Variants in ATP8B4 observed in about 807,000 individuals in gnomAD.
ATP8B4 encodes the protein ATPase phospholipid transporting 8B4 (putative).
In ATP8B4, 133 loss-of-function variants were observed where a neutral mutation model predicts 145.6. The observed-to-expected ratio is 0.91, with a 90% confidence interval of 0.79 to 1.05. The LOEUF (loss-of-function observed/expected upper bound fraction) is 1.05, where lower values mean the gene tolerates loss of function less well. Ranked by LOEUF, ATP8B4 falls within the 50% of genes least tolerant of loss-of-function variation. The probability of loss-of-function intolerance (pLI) is 0.00; values close to 1 mark genes in which losing one functional copy is unlikely to be tolerated. For missense variants in ATP8B4, 1,458 were observed against 1,425.2 expected, an observed-to-expected ratio of 1.02 and a Z score of -0.37; for synonymous variants, 507 against 492.9, an observed-to-expected ratio of 1.03 and a Z score of -0.38.
At chr15:50,031,062 T>C (rs189193747) in intron 6 of ATP8B4, among the ~76,000 whole-genome samples, 8 of 152,214 alleles carry the variant, frequency 5.3e-5, no homozygotes, top group Admixed American at 1.3e-4. Flanking sequence ...AATTAACTTA[T>C]TGAAGGCAAA....
chr15:49,983,728 G>A (rs775479382), intron 10 of ATP8B4, among the ~76,000 whole-genome samples: 2 of 152,168 alleles, frequency 1.3e-5, no homozygotes, highest in Non-Finnish European at 2.9e-5. Flanking sequence ...TTAGGATAAA[G>A]ACCAAACTTC....
chr15:50,024,328 A>AT (rs559268977), intron 6 of ATP8B4, among the ~76,000 whole-genome samples: 2 of 151,972 alleles, frequency 1.3e-5, no homozygotes, highest in African/African-American at 4.8e-5. Flanking sequence ...AGAGCTTTAA[A>AT]TTTTTTTTCA....
chr15:50,056,968 C>T (rs2052655704), intron 3 of ATP8B4, among the ~76,000 whole-genome samples: 1 of 151,996 alleles, frequency 6.6e-6, no homozygotes, highest in Non-Finnish European at 1.5e-5. Flanking sequence ...TCAGGTGATC[C>T]TCCCACCTCG....
intron 25 of ATP8B4, among the ~76,000 whole-genome samples, chr15:49,867,120 G>C (rs193203822): frequency 3.8e-4 from 58 of 152,326 alleles, no homozygotes; most frequent in African/African-American, 1.3e-3. Context: ...AGCTAGAAGA[G>C]TGGTCTGCTA....
rs529067256 is a variant in ATP8B4 at position 49,879,509 on chromosome 15, G to A, written c.2698-50C>T. 27 of 1,471,890 alleles carry A rather than the reference G, an allele frequency of 1.8e-5. No homozygotes were observed. In the South Asian group the frequency reaches 3.1e-4, roughly 17 times the overall value. 91.2% of individuals were successfully genotyped at this position (1,471,890 alleles called of 1,614,324 possible). ...TGAGAAACATCATCCATAGTAGTGA[G>A]AATATTCACATTTAGGTTAAATAAC... On this transcript the variant is annotated intron_variant, in intron 23 of 27. Coordinates refer to ENST00000284509, the MANE Select transcript of ATP8B4 (RefSeq NM_024837.4).
chr15:50,091,142 A>G (rs2055585427), intron 2 of ATP8B4, among the ~76,000 whole-genome samples: 1 of 152,132 alleles, frequency 6.6e-6, no homozygotes, highest in Non-Finnish European at 1.5e-5. Flanking sequence ...AAAAATTATA[A>G]TTATTTTTAT....
intron 1 of ATP8B4, among the ~76,000 whole-genome samples, chr15:50,125,130 T>C (rs2057298782): frequency 6.6e-6 from 1 of 152,162 alleles, no homozygotes; most frequent in Non-Finnish European, 1.5e-5. Flanking sequence ...TAAGAAGTCC[T>C]TCCAACAATC....
intron 1 of ATP8B4, among the ~76,000 whole-genome samples, chr15:50,162,249 G>A (rs1048786577): frequency 7.4e-4 from 112 of 151,782 alleles, no homozygotes; most frequent in African/African-American, 2.6e-3. Flanking sequence ...ATGCCTTGAG[G>A]TAGTCTTCTC....
intron 1 of ATP8B4, among the ~76,000 whole-genome samples, chr15:50,172,301 C>T (rs1162313629): frequency 2.0e-5 from 3 of 152,256 alleles, no homozygotes; most frequent in Non-Finnish European, 4.4e-5. Context: ...CGCCGCCACG[C>T]CTGACTGGTT....
rs2047978345 is a variant in ATP8B4 at position 50,002,483 on chromosome 15, C to A, written c.436-260G>T. Among the ~76,000 whole-genome samples the A allele has an allele frequency of 2.0e-5, 3 of 152,044 alleles. No homozygotes were observed. In the South Asian group the frequency reaches 6.2e-4, roughly 32 times the overall value. On this transcript the variant is annotated intron_variant, in intron 7 of 27. Coordinates refer to ENST00000284509, the MANE Select transcript of ATP8B4 (RefSeq NM_024837.4). ...CATATGAATTAATAGCCACTTGATT[C>A]ACCTTTTTTTAATGAAACATATAAA...
chr15:50,012,588 C>T (rs1192181464), intron 6 of ATP8B4, among the ~76,000 whole-genome samples: 1 of 152,072 alleles, frequency 6.6e-6, no homozygotes, highest in Non-Finnish European at 1.5e-5. Flanking sequence ...AGAACCCTAA[C>T]AAGAAGAAAG....
At chr15:50,034,539 T>A (rs1241156957) in intron 6 of ATP8B4, among the ~76,000 whole-genome samples, 1 of 152,160 alleles carries the variant, frequency 6.6e-6, no homozygotes, top group Non-Finnish European at 1.5e-5. Flanking sequence ...ATTGAGTGTC[T>A]CTTAAAATTA....
chr15:49,898,261 TA>T lies in ATP8B4; in HGVS notation c.2290-11del, dbSNP rs745467301. 6.2e-7 allele frequency: 1 copy of T among 1,604,970 alleles called. No homozygotes were observed. The highest frequency in any genetic ancestry group is 8.5e-7 in the Non-Finnish European group (1 of 1,174,016). ...TTTCTAGGGCATGAGCCTGTATGAT[TA>T]AAAATAAAATTCAAACAAGAACAGG... On this transcript the variant is annotated splice_polypyrimidine_tract_variant and intron_variant, in intron 21 of 27. Transcript: ENST00000284509.
intron 1 of ATP8B4, among the ~76,000 whole-genome samples, chr15:50,134,766 A>C (rs1224730814): frequency 6.6e-6 from 1 of 152,230 alleles, no homozygotes; most frequent in Non-Finnish European, 1.5e-5. Flanking sequence ...AAGAGGTAAA[A>C]TGTCAAAGAT....
upstream of ATP8B4, among the ~76,000 whole-genome samples, chr15:50,123,299 A>G (rs536712199): frequency 7.0e-4 from 106 of 152,320 alleles, no homozygotes; most frequent in African/African-American, 2.5e-3. Context: ...TTTAGTTTAT[A>G]GTTTAACTTT....
intron 23 of ATP8B4, among the ~76,000 whole-genome samples, chr15:49,883,938 A>G (rs1271178628): frequency 6.6e-6 from 1 of 152,206 alleles, no homozygotes; most frequent in Non-Finnish European, 1.5e-5. Flanking sequence ...AGTCTGTATG[A>G]TATGTGACAT....
intron 6 of ATP8B4, among the ~76,000 whole-genome samples, chr15:50,031,426 A>G (rs1378563333): frequency 6.6e-6 from 1 of 152,088 alleles, no homozygotes; most frequent in East Asian, 1.9e-4. Flanking sequence ...TTTCAAGCCC[A>G]CAATTGAAAG....
intron 6 of ATP8B4, among the ~76,000 whole-genome samples, chr15:50,038,182 G>T (rs1197288767): frequency 6.6e-6 from 1 of 152,150 alleles, no homozygotes; most frequent in African/African-American, 2.4e-5. Flanking sequence ...AAGTTTTCTG[G>T]AGGTGTTTTT....
intron 1 of ATP8B4, among the ~76,000 whole-genome samples, chr15:50,158,309 G>A (rs1457665145): frequency 1.3e-5 from 2 of 150,630 alleles, no homozygotes; most frequent in African/African-American, 4.9e-5. Context: ...TAGGAAGTGA[G>A]GAGCGTCTCT....
Sources: gnomAD v4.1 joint callset for allele counts (sites outside exome capture counted in the v4.1 genomes callset) on GRCh38, gnomAD v4.1.1 for gene constraint, MANE v1.5 for transcripts, NCBI Gene and HGNC (gene_info 2026-07-23, HGNC 2026-07-21) for gene names.